The following INPP1 variants were observed in gnomAD, a reference collection of about 807,000 sequenced individuals.
INPP1 encodes inositol polyphosphate-1-phosphatase.
A neutral mutation model predicts 23.0 loss-of-function variants in INPP1; 18 were observed. That is an observed-to-expected ratio of 0.78 (90% CI 0.54 to 1.16). INPP1 has a LOEUF of 1.16. Among genes scored for constraint, INPP1 ranks in the 50% most tolerant of loss-of-function variants. The pLI is 0.00. For synonymous variants in INPP1, 164 were observed against 176.3 expected, an observed-to-expected ratio of 0.93 and a Z score of 0.55; for missense variants, 448 against 482.1, an observed-to-expected ratio of 0.93 and a Z score of 0.66.
rs1242302378 is a variant in INPP1, at chr2:190,371,606, T to C, written c.*204T>C. The C allele has an allele frequency of 2.2e-6, 1 of 446,566 alleles. No individual in the cohort carries two copies. Among genetic ancestry groups the C allele is most frequent in the Non-Finnish European group, 3.9e-6 (1 of 255,692 alleles). 27.7% of individuals were successfully genotyped at this position (446,566 alleles called of 1,614,324 possible). ...CAATTATATTGGTGTATGAAATTCT[T>C]ACAGTGAATATTGTGCTGTTAGTGC... is the stretch of plus-strand genomic sequence containing the variant. On this transcript the variant is annotated 3_prime_UTR_variant, in exon 7 of 7. Coordinates refer to ENST00000392329, the MANE Select transcript of INPP1 (RefSeq NM_001128928.2). The surrounding 1 kb of genome is among the most constrained non-coding windows in gnomAD (Gnocchi z 5.3).
chr2:190,369,398 T>C (rs1689755436), intron 6 of INPP1, 121 bp downstream of exon 6: 1 of 523,712 alleles, frequency 1.9e-6, no homozygotes, highest in Non-Finnish European at 3.4e-6. Context: ...GTGTTGCCAT[T>C]GAAAGTCTGC....
At chr2:190,358,913 CT>C (rs1353593919) in intron 2 of INPP1, among the ~76,000 whole-genome samples, 1 of 151,884 alleles carries the variant, frequency 6.6e-6, no homozygotes, top group Non-Finnish European at 1.5e-5. Flanking sequence ...GATAGTGGGA[CT>C]TTTTTTTAAC....
At position 190,360,143 on chromosome 2, in the gene INPP1, A is replaced by C; in HGVS notation, c.41A>C (p.Lys14Thr). The C allele has an allele frequency of 1.2e-6, 2 of 1,613,974 alleles. No individual in the cohort carries two copies. Among genetic ancestry groups the C allele is most frequent in the Non-Finnish European group, 1.7e-6 (2 of 1,180,036 alleles). ...ILRELLCVSE[K>T]AANIARACRQ... ...CGGGAGCTGCTCTGTGTCTCTGAGA[A>C]GGCTGCTAACATTGCCCGGGCGTGC... Residue 14 changes from lysine to threonine, a missense_variant, in exon 3 of 7, where the codon AAG (lysine) becomes ACG (threonine). Lys to Thr is a moderately conservative substitution (Grantham distance 78). Transcript: ENST00000392329.
At chr2:190,366,171 T>G (rs9784096) in intron 4 of INPP1, among the ~76,000 whole-genome samples, 5 of 55,950 alleles carry the variant, frequency 8.9e-5, no homozygotes, top group African/African-American at 4.5e-4. Context: ...CTCTCGCTCT[T>G]TGTCTCTTGC....
chr2:190,358,317 T>G (rs1689463760), intron 2 of INPP1, among the ~76,000 whole-genome samples: 1 of 152,162 alleles, frequency 6.6e-6, no homozygotes, highest in Admixed American at 6.5e-5. Flanking sequence ...CCTCAGGTGA[T>G]CCATGCGCCT....
At chr2:190,364,284 A>G (rs905507766) in intron 4 of INPP1, among the ~76,000 whole-genome samples, 2 of 152,160 alleles carry the variant, frequency 1.3e-5, no homozygotes, top group Non-Finnish European at 2.9e-5. Flanking sequence ...TCACGCCTGT[A>G]ATCCCAGCAC....
At chr2:190,351,600 A>T (rs1440859052) in intron 2 of INPP1, among the ~76,000 whole-genome samples, 1 of 152,206 alleles carries the variant, frequency 6.6e-6, no homozygotes, top group Admixed American at 6.5e-5. Flanking sequence ...TTCACTTGAC[A>T]GCATGTTTTT....
At chr2:190,344,037 C>T in intron 1 of INPP1, 76 bp downstream of exon 1, 1 of 331,618 alleles carries the variant, frequency 3.0e-6, no homozygotes, top group Non-Finnish European at 6.3e-6. Context: ...ATCTGGGGCC[C>T]GGGCTGGTGA....
rs1689798605 is a variant in INPP1, at chr2:190,371,266, T to C, written c.1064T>C (p.Val355Ala). 1 of 1,612,128 alleles carries C rather than the reference T, an allele frequency of 6.2e-7. No homozygotes were observed. The highest frequency in any genetic ancestry group is 1.3e-5 in the African/African-American group (1 of 74,796). Residue 355 changes from valine to alanine, a missense_variant, in exon 7 of 7, where the codon GTG (valine) becomes GCG (alanine). By Grantham distance (64) the Val-to-Ala change is moderately conservative. Coordinates refer to ENST00000392329, the MANE Select transcript of INPP1 (RefSeq NM_001128928.2). The surrounding 1 kb of genome is among the most constrained non-coding windows in gnomAD (Gnocchi z 5.3). ...GLDLPQLVYH[V>A]ENEGAAGVDR... ...GATTTGCCACAGTTGGTGTACCACG[T>C]GGAAAATGAGGGTGCTGCTGGGGTG...
At chr2:190,369,380 A>T in intron 6 of INPP1, 103 bp downstream of exon 6, 3 of 549,506 alleles carry the variant, frequency 5.5e-6, no homozygotes, top group Non-Finnish European at 9.6e-6. Context: ...ATGACTTAAC[A>T]CATGGGAGTG....
At chr2:190,359,897 C>T in intron 2 of INPP1, 142 bp from the exon 3 acceptor site, 1 of 550,196 alleles carries the variant, frequency 1.8e-6, no homozygotes, top group South Asian at 2.2e-5. Context: ...GAGTCTTCCA[C>T]ACTGAGGATG....
In INPP1 at chr2:190,356,175, G is replaced by C. The variant is rs1689417830; in HGVS notation, c.-64-3864G>C. Among the ~76,000 whole-genome samples the C allele has an allele frequency of 1.3e-5, 2 of 152,178 alleles. No individual in the cohort carries two copies. The highest frequency in any genetic ancestry group is 2.9e-5 in the Non-Finnish European group (2 of 68,042). On this transcript the variant is annotated intron_variant, in intron 2 of 6. Transcript: ENST00000392329. This position sits in a 1 kb window ranked among gnomAD's most constrained non-coding sequence, Gnocchi z 6.4. Reference sequence around the variant, plus strand: ...GGAGAGCCAGGGCCTTGGAGAAAGGGAAGTAGCTGAACAAATGCTGGGCTC... The same window carrying C: ...GGAGAGCCAGGGCCTTGGAGAAAGGCAAGTAGCTGAACAAATGCTGGGCTC...
At chr2:190,366,936 T>C (rs1326470501) in intron 5 of INPP1, 41 bp downstream of exon 5, 1 of 1,392,690 alleles carries the variant, frequency 7.2e-7, no homozygotes, top group East Asian at 2.3e-5. Flanking sequence ...TTGCAATCTT[T>C]TTTTTGGTGG....
chr2:190,354,550 G>C lies in INPP1; in HGVS notation c.-64-5489G>C, dbSNP rs552217307. 6.6e-6 allele frequency among the ~76,000 whole-genome samples: 1 copy of C among 152,334 alleles called. No individual in the cohort carries two copies. The highest frequency in any genetic ancestry group is 6.5e-5 in the Admixed American group (1 of 15,304). On this transcript the variant is annotated intron_variant, in intron 2 of 6. Transcript: ENST00000392329. The surrounding 1 kb of genome is among the most constrained non-coding windows in gnomAD (Gnocchi z 4.8). Reference sequence around the variant, plus strand: ...ATGCCAGAGATTAACGCCCACGATGGAAAGGCCAGGTGAGGCCACAATGAG... The same window carrying C: ...ATGCCAGAGATTAACGCCCACGATGCAAAGGCCAGGTGAGGCCACAATGAG...
intron 4 of INPP1, chr2:190,365,051 A>C (rs540267399): frequency 5.9e-6 from 1 of 168,232 alleles, no homozygotes; most frequent in Admixed American, 6.6e-5. Context: ...TTAGTTTTTA[A>C]GATTTTTTTT....
At position 190,357,045 on chromosome 2, in the gene INPP1, G is replaced by A. The variant is rs73048016; in HGVS notation, c.-64-2994G>A. ...GGCAACGTGCCGCAGCTTTATTAAC[G>A]CAGCTGTTTTTCCTAATGTTTAGAT... On this transcript the variant is annotated intron_variant, in intron 2 of 6. Transcript: ENST00000392329. Among the ~76,000 whole-genome samples, 403 of 152,190 alleles carry A rather than the reference G, an allele frequency of 2.6e-3. 2 individuals are homozygous for A. Among genetic ancestry groups the A allele is most frequent in the African/African-American group, 8.4e-3 (348 of 41,524 alleles).
chr2:190,348,052 C>G (rs184809638), intron 1 of INPP1, among the ~76,000 whole-genome samples: 2 of 152,174 alleles, frequency 1.3e-5, no homozygotes, highest in Non-Finnish European at 2.9e-5. Flanking sequence ...GCAGGAGAAT[C>G]GCTTGAACCT....
chr2:190,360,864 T>C (rs1440278028), intron 3 of INPP1, among the ~76,000 whole-genome samples: 3 of 152,142 alleles, frequency 2.0e-5, no homozygotes, highest in Non-Finnish European at 2.9e-5. Flanking sequence ...TATGAGATTG[T>C]AGCTGGAGAC....
rs1689212450 is a variant in INPP1, at chr2:190,346,239, A to T, written c.-209+2278A>T. Among the ~76,000 whole-genome samples, 1 of 152,218 alleles carries T rather than the reference A, an allele frequency of 6.6e-6. No homozygotes were observed. Among genetic ancestry groups the T allele is most frequent in the Non-Finnish European group, 1.5e-5 (1 of 68,036 alleles). ...AAATAGACAAAAATGATAAAATTTT[A>T]AAATAGTCAACAACAACAAAAAAGG... On this transcript the variant is annotated intron_variant, in intron 1 of 6. Coordinates refer to ENST00000392329, the MANE Select transcript of INPP1 (RefSeq NM_001128928.2). The surrounding 1 kb of genome is among the most constrained non-coding windows in gnomAD (Gnocchi z 5.1).
Sources: gnomAD v4.1 joint callset for allele counts (sites outside exome capture counted in the v4.1 genomes callset) on GRCh38, gnomAD v4.1.1 for gene constraint, Gnocchi (gnomAD v3.1) non-coding constraint, MANE v1.5 for transcripts, NCBI Gene and HGNC (gene_info 2026-07-23, HGNC 2026-07-21) for gene names.